The following PIEZO2 variants were observed in gnomAD, a reference collection of about 807,000 sequenced individuals.
The protein encoded by PIEZO2 is piezo-type mechanosensitive ion channel component 2.
PIEZO2 carries 172 observed loss-of-function variants against 337.3 expected under a neutral mutation model. The ratio of observed to expected loss-of-function variants is 0.51; its 90% confidence interval spans 0.45 to 0.58. The LOEUF (loss-of-function observed/expected upper bound fraction) is 0.58, where lower values mean the gene tolerates loss of function less well. Ranked by LOEUF, PIEZO2 falls within the 20% of genes least tolerant of loss-of-function variation. The pLI is 0.00. For synonymous variants in PIEZO2, 1,251 were observed against 1,228.5 expected (o/e 1.02, Z -0.38); for missense variants, 3,028 against 3,391.3 (o/e 0.89, Z 2.66).
intron 1 of PIEZO2, among the ~76,000 whole-genome samples, chr18:11,084,173 T>C (rs1277547125): frequency 1.0e-5 from 1 of 99,452 alleles, no homozygotes; most frequent in African/African-American, 5.1e-5. Flanking sequence ...TGAAACTCTG[T>C]CTCAAAAAAA....
At position 11,066,137 on chromosome 18, in the gene PIEZO2, C is replaced by T. The variant is rs768806480; in HGVS notation, c.150G>A (p.Thr50=). The part of the protein sequence containing the change: ...LIPLFSEPTK[T]TMQGHTGRLL... Reference sequence around the variant, plus strand: ...ACAAAATTCTCTTACCTTGCATCGTCGTTTTTGTTGGTTCTGAGAACAGAG... The same window carrying T: ...ACAAAATTCTCTTACCTTGCATCGTTGTTTTTGTTGGTTCTGAGAACAGAG... Residue 50 remains threonine (T), a synonymous_variant, in exon 2 of 56, where the codon ACG becomes ACA. Coordinates refer to ENST00000674853, the MANE Select transcript of PIEZO2 (RefSeq NM_001378183.1). 2.0e-5 allele frequency: 30 copies of T among 1,532,864 alleles called. No individual in the cohort carries two copies. The highest frequency in any genetic ancestry group is 2.4e-5 in the South Asian group (2 of 83,936). The allele number at this position is 1,532,864 out of a possible 1,614,324, so 95.0% of individuals were successfully genotyped here.
chr18:10,757,774 CA>C (rs1257798413), intron 27 of PIEZO2, among the ~76,000 whole-genome samples, 194 bp downstream of exon 27: 1 of 151,994 alleles, frequency 6.6e-6, no homozygotes, highest in Non-Finnish European at 1.5e-5. Flanking sequence ...TTTACATTGA[CA>C]AAAGCAGGTG....
At chr18:11,036,943 T>A (rs1027409058) in intron 2 of PIEZO2, among the ~76,000 whole-genome samples, 7 of 152,040 alleles carry the variant, frequency 4.6e-5, no homozygotes, top group Non-Finnish European at 1.0e-4. Context: ...CAGTCAGAAT[T>A]TTTTTTTCTT....
intron 2 of PIEZO2, among the ~76,000 whole-genome samples, chr18:11,008,069 G>A (rs192218821): frequency 1.3e-5 from 2 of 152,236 alleles, no homozygotes; most frequent in Non-Finnish European, 2.9e-5. Context: ...TGACAAAAGT[G>A]CAATATATGT....
intron 39 of PIEZO2, among the ~76,000 whole-genome samples, chr18:10,708,766 T>C (rs191970406): frequency 3.0e-4 from 46 of 152,376 alleles, no homozygotes; most frequent in African/African-American, 1.0e-3. Flanking sequence ...TATAACTTCG[T>C]AACAGAGGGT....
chr18:10,725,340 C>A, intron 36 of PIEZO2: 1 of 1,605,002 alleles, frequency 6.2e-7, no homozygotes. Flanking sequence ...TGTGGTGCAG[C>A]TGAGTGAAGA....
chr18:11,136,468 T>A (rs1053330214), intron 1 of PIEZO2, among the ~76,000 whole-genome samples: 1 of 152,266 alleles, frequency 6.6e-6, no homozygotes, highest in Non-Finnish European at 1.5e-5. Context: ...GGCTGTGTGC[T>A]ATAGCAGCCT....
At chr18:10,721,088 A>G (rs1309039079) in intron 36 of PIEZO2, among the ~76,000 whole-genome samples, 1 of 152,148 alleles carries the variant, frequency 6.6e-6, no homozygotes, top group Non-Finnish European at 1.5e-5. Flanking sequence ...CCCTATACTT[A>G]TCTTGCCTAC....
intron 9 of PIEZO2, among the ~76,000 whole-genome samples, chr18:10,802,772 C>A (rs1451082684): frequency 1.3e-5 from 2 of 152,034 alleles, no homozygotes; most frequent in African/African-American, 4.8e-5. Context: ...GAGTTCAAGA[C>A]CAGCCAGGGC....
chr18:11,130,457 A>C (rs1447594251), intron 1 of PIEZO2, among the ~76,000 whole-genome samples: 2 of 152,224 alleles, frequency 1.3e-5, no homozygotes, highest in South Asian at 4.1e-4. Flanking sequence ...GAGGTATATC[A>C]AGTCTCCGGC....
At chr18:10,913,253 G>A (rs1408566425) in intron 3 of PIEZO2, among the ~76,000 whole-genome samples, 1 of 152,154 alleles carries the variant, frequency 6.6e-6, no homozygotes, top group Non-Finnish European at 1.5e-5. Flanking sequence ...GACTGGCAGA[G>A]AATACATAAC....
chr18:11,130,037 T>C (rs1286749737), intron 1 of PIEZO2, among the ~76,000 whole-genome samples: 1 of 152,112 alleles, frequency 6.6e-6, no homozygotes, highest in East Asian at 1.9e-4. Context: ...AAAGGTCAAA[T>C]AGAAGCCATT....
chr18:10,832,787 C>T (rs1256346737), intron 7 of PIEZO2, among the ~76,000 whole-genome samples: 1 of 152,196 alleles, frequency 6.6e-6, no homozygotes, highest in African/African-American at 2.4e-5. Flanking sequence ...GTTAAAATGC[C>T]AATTCTCAGA....
chr18:10,717,119 C>T (rs889817333), intron 37 of PIEZO2, among the ~76,000 whole-genome samples: 2 of 152,214 alleles, frequency 1.3e-5, no homozygotes, highest in African/African-American at 2.4e-5. Context: ...TTGGTTAATA[C>T]AACTAAGAGG....
intron 4 of PIEZO2, among the ~76,000 whole-genome samples, chr18:10,893,192 C>T (rs2042804155): frequency 6.6e-6 from 1 of 152,078 alleles, no homozygotes; most frequent in Admixed American, 6.5e-5. Context: ...GAGATATTCT[C>T]CTAAACAAAG....
At chr18:11,136,806 T>C (rs1263624768) in intron 1 of PIEZO2, among the ~76,000 whole-genome samples, 4 of 152,126 alleles carry the variant, frequency 2.6e-5, no homozygotes, top group Admixed American at 6.5e-5. Flanking sequence ...TTATGGATAA[T>C]AGAATTATCT....
rs116163141 is a variant in PIEZO2 at position 10,953,332 on chromosome 18, T to G, written c.286+26203A>C. Among the ~76,000 whole-genome samples, 1,078 of 152,286 alleles carry G rather than the reference T, an allele frequency of 7.1e-3. 24 individuals carry two copies. Among genetic ancestry groups the G allele is most frequent in the African/African-American group, 0.024 (1,015 of 41,574 alleles). The stretch of plus-strand genomic sequence containing the variant: ...ACTTTGCCCTTCCCTAACCCAAGAT[T>G]ACAAACATTTTCTCCTATATTTTTT... On this transcript the variant is annotated intron_variant, in intron 3 of 55. Transcript: ENST00000674853. The surrounding 1 kb of genome is among the most constrained non-coding windows in gnomAD (Gnocchi z 5.2).
rs1416152593 is a variant in PIEZO2, at chr18:10,865,286, T to A, written c.492+5967A>T. On this transcript the variant is annotated intron_variant, in intron 5 of 55. Coordinates refer to ENST00000674853, the MANE Select transcript of PIEZO2 (RefSeq NM_001378183.1). ...GTTTTATCTAGGGAAGTGGCATAAT[T>A]TAATTTTAATTATACAAGAATAATC... Among the ~76,000 whole-genome samples, 4 of 152,166 alleles carry A rather than the reference T, an allele frequency of 2.6e-5. No homozygotes were observed. In the East Asian group the frequency reaches 7.7e-4, roughly 29 times the overall value.
In PIEZO2 at chr18:11,103,192, G is replaced by C. The variant is rs145352516; in HGVS notation, c.65-36970C>G. Among the ~76,000 whole-genome samples the C allele has an allele frequency of 3.3e-3, 499 of 152,288 alleles. 4 individuals carry two copies. Among genetic ancestry groups the C allele is most frequent in the Non-Finnish European group, 5.0e-3 (337 of 68,024 alleles). Reference sequence around the variant, plus strand: ...CTGTGATTCTGGACATAAAAACTATGTGTTTTATAAATTGTGTGTTAGTAA... The same window carrying C: ...CTGTGATTCTGGACATAAAAACTATCTGTTTTATAAATTGTGTGTTAGTAA... On this transcript the variant is annotated intron_variant, in intron 1 of 55. Transcript: ENST00000674853.
Sources: allele counts gnomAD v4.1 joint callset (sites outside exome capture counted in the v4.1 genomes callset), GRCh38; gene constraint gnomAD v4.1.1; non-coding constraint Gnocchi (gnomAD v3.1); transcripts MANE v1.5; gene names NCBI Gene and HGNC (gene_info 2026-07-23, HGNC 2026-07-21).